Variants in ELAVL1 observed in about 807,000 individuals in gnomAD.
ELAVL1 encodes ELAV-like protein 1.
Under a neutral mutation model 28.4 loss-of-function variants are expected in ELAVL1, and 1 was observed. The ratio of observed to expected loss-of-function variants is 0.04; its 90% CI spans 0.01 to 0.17. ELAVL1 has a LOEUF of 0.17. Among genes scored for constraint, ELAVL1 ranks in the 10% least tolerant of loss-of-function variants. The pLI is 1.00. For synonymous variants in ELAVL1, 174 were observed against 183.5 expected, an observed-to-expected ratio of 0.95 and a Z score of 0.42; for missense variants, 157 against 447.2, an observed-to-expected ratio of 0.35 and a Z score of 5.85.
Position 7,963,734 on chromosome 19 carries a change from A to G in ELAVL1, c.730T>C (p.Trp244Arg). ...VNVPGNASSG[W>R]CIFIYNLGQD... is the part of the protein sequence containing the mutation. The stretch of plus-strand genomic sequence containing the variant: ...CCCAGGTTGTAGATGAAAATGCACC[A>G]GCCGGAGGAGGCGTTTCCTGGCACG... The change falls in exon 6 of 6, where the codon TGG (tryptophan) becomes CGG (arginine). Residue 244 changes from tryptophan (W) to arginine (R), a missense_variant. By Grantham distance (101) the Trp-to-Arg change is moderately radical. Coordinates refer to ENST00000407627, the MANE Select transcript of ELAVL1 (RefSeq NM_001419.3). The surrounding 1 kb of genome is among the most constrained non-coding windows in gnomAD (Gnocchi z 4.5). The G allele has an allele frequency of 6.2e-7, 1 of 1,614,276 alleles. No individual in the cohort carries two copies. The highest frequency in any genetic ancestry group is 8.5e-7 in the Non-Finnish European group (1 of 1,180,050).
intron 3 of ELAVL1, among the ~76,000 whole-genome samples, chr19:7,977,188 G>A (rs763617873): frequency 1.3e-5 from 2 of 152,164 alleles, no homozygotes; most frequent in Admixed American, 6.5e-5. Flanking sequence ...CCCCGGCGCC[G>A]GCTTCTGTGG....
At chr19:7,989,856 T>C (rs1985704987) in intron 2 of ELAVL1, among the ~76,000 whole-genome samples, 1 of 152,210 alleles carries the variant, frequency 6.6e-6, no homozygotes, top group Non-Finnish European at 1.5e-5. Context: ...TCTGAAGAGC[T>C]AATTCCCTGT....
chr19:7,998,724 C>T (rs886127041), intron 1 of ELAVL1, among the ~76,000 whole-genome samples: 1 of 152,092 alleles, frequency 6.6e-6, no homozygotes, highest in African/African-American at 2.4e-5. Context: ...CTCAAGTGAT[C>T]CTCCTACTTT....
chr19:7,996,636 T>A (rs886180541), intron 1 of ELAVL1, among the ~76,000 whole-genome samples: 1 of 151,432 alleles, frequency 6.6e-6, no homozygotes, highest in African/African-American at 2.4e-5. Context: ...TGAAACCCCA[T>A]CTCTACAAAA....
At chr19:7,997,598 A>T (rs1256920373) in intron 1 of ELAVL1, among the ~76,000 whole-genome samples, 3 of 152,142 alleles carry the variant, frequency 2.0e-5, no homozygotes, top group Non-Finnish European at 2.9e-5. Context: ...CCGTTTGTCA[A>T]AACTCAGAGA....
chr19:7,974,629 G>A (rs970218218), intron 3 of ELAVL1, among the ~76,000 whole-genome samples: 2 of 152,184 alleles, frequency 1.3e-5, no homozygotes, highest in Non-Finnish European at 2.9e-5. Flanking sequence ...CTCTGCCTGT[G>A]AAGGGGCAGC....
At chr19:7,997,881 G>A (rs568692995) in intron 1 of ELAVL1, among the ~76,000 whole-genome samples, 189 of 152,278 alleles carry the variant, frequency 1.2e-3, no homozygotes, top group African/African-American at 4.2e-3. Flanking sequence ...AGCCTGGGAG[G>A]TCAATACTGC....
intron 2 of ELAVL1, among the ~76,000 whole-genome samples, chr19:7,989,952 G>T (rs888813572): frequency 5.3e-5 from 8 of 152,208 alleles, no homozygotes; most frequent in Non-Finnish European, 8.8e-5. Context: ...AAAGTGCAAT[G>T]ATGGGTACAT....
intron 2 of ELAVL1, among the ~76,000 whole-genome samples, chr19:7,989,897 T>C (rs1411961908): frequency 2.0e-5 from 3 of 152,318 alleles, no homozygotes; most frequent in Non-Finnish European, 2.9e-5. Context: ...TTGGGAGTCA[T>C]GTGGGGGTCA....
In ELAVL1 at chr19:7,973,803, T is replaced by A; in HGVS notation, c.352A>T (p.Thr118Ser). The A allele has an allele frequency of 6.2e-7, 1 of 1,613,920 alleles. No individual in the cohort carries two copies. Among genetic ancestry groups the A allele is most frequent in the Non-Finnish European group, 8.5e-7 (1 of 1,179,954 alleles). ...LYISGLPRTM[T>S]QKDVEDMFSR... Reference sequence around the variant, plus strand: ...AACATGTCTTCTACGTCCTTCTGGGTCATGGTCCGCGGGAGCCCGCTGATG... The same window carrying A: ...AACATGTCTTCTACGTCCTTCTGGGACATGGTCCGCGGGAGCCCGCTGATG... Residue 118 changes from threonine to serine, a missense_variant, in exon 4 of 6, where the codon ACC becomes TCC. By Grantham distance (58) the Thr-to-Ser change is moderately conservative. Around this residue, in one of 4 missense-constraint regions of ELAVL1, gnomAD observed 107 missense variants for 310.4 expected, o/e 0.34. Coordinates refer to ENST00000407627, the MANE Select transcript of ELAVL1 (RefSeq NM_001419.3).
chr19:8,003,355 C>CAAAAAAAAAAAAAAAAAAAAGAA (rs71165248), intron 1 of ELAVL1, among the ~76,000 whole-genome samples: 2 of 61,092 alleles, frequency 3.3e-5, no homozygotes, highest in Non-Finnish European at 5.4e-5. Context: ...GAAACTGTCT[C>CAAAAAAAAAAAAAAAAAAAAGAA]AAAAAAAAAA....
rs1292996645 is a variant in ELAVL1 at position 7,960,234 on chromosome 19, G to C, written c.*3249C>G. ...GGGCCGGTCTTGGCTCCCAACAGCA[G>C]CACGGTTCAGTCCCTGGAGGCTGGG... On this transcript the variant is annotated 3_prime_UTR_variant, in exon 6 of 6. Transcript: ENST00000407627. The C allele has an allele frequency of 1.3e-5, 2 of 152,244 alleles. No individual in the cohort carries two copies. Among genetic ancestry groups the C allele is most frequent in the Non-Finnish European group, 2.9e-5 (2 of 68,066 alleles). The allele number at this position is 152,244 out of a possible 1,614,324, so 9.4% of individuals were successfully genotyped here. A position where few individuals can be genotyped will look rare whatever the true frequency, so the allele number is the denominator to read the frequency against.
At chr19:7,967,994 C>A (rs982383346) in intron 4 of ELAVL1, among the ~76,000 whole-genome samples, 1 of 152,220 alleles carries the variant, frequency 6.6e-6, no homozygotes, top group African/African-American at 2.4e-5. Context: ...TTCAGACTTT[C>A]TTCCCGGCTG....
intron 4 of ELAVL1, among the ~76,000 whole-genome samples, chr19:7,971,545 G>A (rs190204383): frequency 2.6e-5 from 4 of 152,370 alleles, no homozygotes; most frequent in African/African-American, 9.6e-5. Flanking sequence ...TTAAGTGAGA[G>A]GACTTCAGGG....
At chr19:7,975,199 C>A (rs186606677) in intron 3 of ELAVL1, among the ~76,000 whole-genome samples, 1 of 152,342 alleles carries the variant, frequency 6.6e-6, no homozygotes, top group East Asian at 1.9e-4. Flanking sequence ...GGCCCCCAGC[C>A]TCCCCTAGTG....
At chr19:7,984,104 C>T (rs1482838984) in intron 2 of ELAVL1, among the ~76,000 whole-genome samples, 1 of 152,170 alleles carries the variant, frequency 6.6e-6, no homozygotes, top group African/African-American at 2.4e-5. Context: ...CACCTGCCAA[C>T]ATCACCGAGG....
rs1985456614 is a variant in ELAVL1, at chr19:7,981,291, C to T, written c.173-105G>A. Reference sequence around the variant, plus strand: ...GCCTGGCCTTTGGGAAATGGGATTACAGGTGCTAGCAAACTTTATTTTCTT... The same window carrying T: ...GCCTGGCCTTTGGGAAATGGGATTATAGGTGCTAGCAAACTTTATTTTCTT... On this transcript the variant is annotated intron_variant, in intron 2 of 5. Transcript: ENST00000407627. The surrounding 1 kb of genome is among the most constrained non-coding windows in gnomAD (Gnocchi z 4.2). The T allele has an allele frequency of 3.0e-6, 3 of 986,400 alleles. No homozygotes were observed. The highest frequency in any genetic ancestry group is 2.7e-5 in the South Asian group (2 of 75,162). The allele number at this position is 986,400 out of a possible 1,614,324, so 61.1% of individuals were successfully genotyped here. A position where few individuals can be genotyped will look rare whatever the true frequency, so the allele number is the denominator to read the frequency against.
chr19:7,985,360 A>G (rs1210303937), intron 2 of ELAVL1, among the ~76,000 whole-genome samples: 1 of 152,180 alleles, frequency 6.6e-6, no homozygotes, highest in African/African-American at 2.4e-5. Flanking sequence ...GGCAGGGTCC[A>G]CAAGCCACCT....
intron 1 of ELAVL1, among the ~76,000 whole-genome samples, chr19:7,994,522 A>G (rs559967709): frequency 1.6e-4 from 24 of 152,384 alleles, no homozygotes; most frequent in Non-Finnish European, 3.4e-4. Context: ...CAATTTATAA[A>G]GGCCTTAAAT....
Sources: allele counts gnomAD v4.1 joint callset (sites outside exome capture counted in the v4.1 genomes callset), GRCh38; gene constraint gnomAD v4.1.1; regional missense constraint gnomAD v4.1.1; non-coding constraint Gnocchi (gnomAD v3.1); transcripts MANE v1.5; gene names NCBI Gene and HGNC (gene_info 2026-07-23, HGNC 2026-07-21).